CLDN19: variants seen among roughly 807,000 people sequenced by gnomAD.
CLDN19 encodes claudin-19.
A neutral mutation model predicts 24.5 loss-of-function variants in CLDN19; 19 were observed. The observed-to-expected ratio is 0.78, with a 90% CI of 0.54 to 1.14. The LOEUF (loss-of-function observed/expected upper bound fraction) is 1.14, where lower values mean the gene tolerates loss of function less well. Ranked by LOEUF, CLDN19 falls within the 50% of genes most tolerant of loss-of-function variation. CLDN19 has a pLI of 0.00. For missense variants in CLDN19, 250 were observed against 295.9 expected (o/e 0.84, Z 1.14); for synonymous variants, 117 against 129.6 (o/e 0.90, Z 0.66).
At chr1:42,736,299 G>C (rs1276994062) in intron 3 of CLDN19, among the ~76,000 whole-genome samples, 3 of 152,144 alleles carry the variant, frequency 2.0e-5, no homozygotes, top group Non-Finnish European at 4.4e-5. Flanking sequence ...GCAACCTTGG[G>C]CTCATTTCCT....
intron 4 of CLDN19, chr1:42,735,440 G>T: frequency 7.1e-7 from 1 of 1,415,736 alleles, no homozygotes; most frequent in Non-Finnish European, 9.2e-7. Flanking sequence ...AGGAGCCCAT[G>T]GGACTGGGGA....
At chr1:42,739,277 A>G (rs1208707284) in intron 1 of CLDN19, among the ~76,000 whole-genome samples, 1 of 152,194 alleles carries the variant, frequency 6.6e-6, no homozygotes, top group Admixed American at 6.5e-5. Flanking sequence ...CCCCAGAGTT[A>G]GAACTTCGGC....
intron 4 of CLDN19, chr1:42,735,385 TGTGAAC>T: frequency 7.0e-7 from 1 of 1,429,994 alleles, no homozygotes; most frequent in Non-Finnish European, 9.1e-7. Flanking sequence ...CCTGTCCTTG[TGTGAAC>T]GTTCAGCATC....
At chr1:42,737,871 C>T (rs1319279612) in intron 3 of CLDN19, among the ~76,000 whole-genome samples, 6 of 151,864 alleles carry the variant, frequency 4.0e-5, no homozygotes, top group Admixed American at 1.3e-4. Flanking sequence ...TTAATAGAGA[C>T]GGGGTTTCAC....
In CLDN19 at chr1:42,736,001, C is replaced by A. The variant is rs866174535; in HGVS notation, c.503G>T (p.Gly168Val). The change falls in exon 4 of 5, where the codon GGC (glycine) becomes GTC (valine). Residue 168 changes from glycine to valine, a missense_variant. Gly to Val is a moderately radical substitution (Grantham distance 109, BLOSUM62 -3). Transcript: ENST00000296387. ...RYEFGPALFV[G>V]WASAGLAVLG... ...CACGGCCAGGCCAGCTGAGGCCCAG[C>A]CCACGAACAGGGCTGGGCCAAATTC... 1 of 1,576,140 alleles carries A rather than the reference C, an allele frequency of 6.3e-7. No individual in the cohort carries two copies. Among genetic ancestry groups the A allele is most frequent in the African/African-American group, 1.3e-5 (1 of 74,416 alleles).
intron 4 of CLDN19, chr1:42,735,349 A>G: frequency 6.9e-7 from 1 of 1,449,056 alleles, no homozygotes; most frequent in Non-Finnish European, 9.1e-7. Flanking sequence ...GCACTGGAAG[A>G]ACCTGAGACC....
chr1:42,735,601 A>T (rs1651336218), intron 4 of CLDN19: 1 of 1,425,020 alleles, frequency 7.0e-7, no homozygotes, highest in Non-Finnish European at 9.1e-7. Flanking sequence ...GTCTCCAGGG[A>T]TGCATGCTGG....
chr1:42,738,122 G>T, intron 3 of CLDN19, 107 bp downstream of exon 3: 1 of 1,006,538 alleles, frequency 9.9e-7, no homozygotes, highest in Non-Finnish European at 1.6e-6. Context: ...AAAGCTTCTT[G>T]GACAGCAGCT....
intron 4 of CLDN19, chr1:42,735,565 A>G (rs1651332744): frequency 7.0e-7 from 1 of 1,420,156 alleles, no homozygotes; most frequent in African/African-American, 1.4e-5. Flanking sequence ...CAGTGAGTAA[A>G]CAGCCGGGCT....
At chr1:42,739,691 G>A (rs768233666) in intron 1 of CLDN19, 150 bp downstream of exon 1, 26 of 733,914 alleles carry the variant, frequency 3.5e-5, no homozygotes, top group Non-Finnish European at 5.2e-5. Context: ...GGCCTGGACC[G>A]TCAATGGGCA....
At chr1:42,735,188 G>C in intron 4 of CLDN19, 54 bp from the exon 5 acceptor site, 1 of 1,609,934 alleles carries the variant, frequency 6.2e-7, no homozygotes, top group Non-Finnish European at 8.5e-7. Flanking sequence ...GGGGTCGGGG[G>C]CAGGGGCTGT....
Position 42,739,941 on chromosome 1 carries a change from GAT to G in CLDN19, c.121_122del (p.Ile41HisfsTer7). ...KQSSYAGDAI[I>X]TAVGLYEGLW... The stretch of plus-strand genomic sequence containing the variant: ...GCCCTTCATAGAGGCCCACGGCAGT[GAT>G]GATGGCGTCGCCTGCGTAGGAAGAC... On this transcript the variant is annotated frameshift_variant, in exon 1 of 5. Transcript: ENST00000296387. LOFTEE classifies it high-confidence loss of function. 6.2e-7 allele frequency: 1 copy of G among 1,610,190 alleles called. No homozygotes were observed. The highest frequency in any genetic ancestry group is 8.5e-7 in the Non-Finnish European group (1 of 1,178,492).
In CLDN19 at chr1:42,738,500, CT is replaced by C. The variant is rs1651444883; in HGVS notation, c.308del (p.Lys103SerfsTer32). On this transcript the variant is annotated frameshift_variant, in exon 2 of 5. Coordinates refer to ENST00000296387, the MANE Select transcript of CLDN19 (RefSeq NM_148960.3). LOFTEE classifies it high-confidence loss of function. ...GGTTGCTGTCTCCCACCCGCGTACA[CT>C]TCATGCCAACTACGCTGAGGACCAT... is the stretch of plus-strand genomic sequence containing the variant. ...VAMVLSVVGM[K>X]CTRVGDSNPI... is the part of the protein sequence containing the mutation. 6.2e-7 allele frequency: 1 copy of C among 1,613,946 alleles called. No homozygotes were observed. The highest frequency in any genetic ancestry group is 8.5e-7 in the Non-Finnish European group (1 of 1,180,050).
intron 3 of CLDN19, among the ~76,000 whole-genome samples, chr1:42,737,687 C>A (rs150722951): frequency 6.6e-6 from 1 of 152,136 alleles, no homozygotes; most frequent in Non-Finnish European, 1.5e-5. Context: ...ATTGATTGAT[C>A]GTTTGATTTT....
intron 3 of CLDN19, among the ~76,000 whole-genome samples, chr1:42,737,142 C>G (rs1351371979): frequency 6.6e-6 from 1 of 152,230 alleles, no homozygotes; most frequent in Non-Finnish European, 1.5e-5. Context: ...AAGGTGGGCC[C>G]AGGCCCTTTG....
chr1:42,735,949 T>G lies in CLDN19; in HGVS notation c.555A>C (p.Thr185=). 6.3e-7 allele frequency: 1 copy of G among 1,577,952 alleles called. No individual in the cohort carries two copies. The highest frequency in any genetic ancestry group is 8.6e-7 in the Non-Finnish European group (1 of 1,162,042). ...AVLGGSFLCC[T]CPEPERPNSS... ...TGTTGGGTCTCTCTGGCTCCGGGCA[T>G]GTGCAGCAGAGGAAGGAGCCGCCCA... The change falls in exon 4 of 5, where the codon ACA becomes ACC. Residue 185 remains threonine, a synonymous_variant. Transcript: ENST00000296387.
At chr1:42,738,665 C>A in intron 1 of CLDN19, 80 bp from the exon 2 acceptor site, 1 of 1,437,818 alleles carries the variant, frequency 7.0e-7, no homozygotes, top group Non-Finnish European at 9.6e-7. Context: ...GGAAGGAGCC[C>A]AGCTTGAGAG....
intron 4 of CLDN19, chr1:42,735,661 G>A (rs555913979): frequency 2.8e-6 from 4 of 1,439,534 alleles, no homozygotes; most frequent in East Asian, 2.5e-5. Context: ...GCATCTGTGT[G>A]TATGCCTGGG....
intron 4 of CLDN19, 73 bp downstream of exon 4, chr1:42,735,805 G>T: frequency 6.5e-7 from 1 of 1,548,272 alleles, no homozygotes; most frequent in African/African-American, 1.4e-5. Context: ...AGGGTGCTGC[G>T]AGGCTGGCTG....
Sources: gnomAD v4.1 joint callset for allele counts (sites outside exome capture counted in the v4.1 genomes callset) on GRCh38, gnomAD v4.1.1 for gene constraint, MANE v1.5 for transcripts, NCBI Gene and HGNC (gene_info 2026-07-23, HGNC 2026-07-21) for gene names.